The following LNX1 variants were observed in gnomAD, a reference collection of about 807,000 sequenced individuals.
LNX1 encodes E3 ubiquitin-protein ligase LNX.
LNX1 carries 54 observed loss-of-function variants against 68.4 expected under a neutral mutation model. That is an observed-to-expected ratio of 0.79 (90% confidence interval 0.63 to 0.99). The LOEUF is 0.99. LNX1 is among the 50% of genes least tolerant of loss of function. The probability of loss-of-function intolerance (pLI) is 0.00; values close to 1 mark genes in which losing one functional copy is unlikely to be tolerated. For synonymous variants in LNX1, 336 were observed against 350.0 expected (o/e 0.96, Z 0.45); for missense variants, 906 against 926.4 (o/e 0.98, Z 0.29).
intron 4 of LNX1, among the ~76,000 whole-genome samples, chr4:53,502,526 A>T (rs1285875188): frequency 1.3e-5 from 2 of 152,184 alleles, no homozygotes; most frequent in Non-Finnish European, 2.9e-5. Context: ...GCTGGTAGAG[A>T]GTCTTGCCTT....
intron 2 of LNX1, among the ~76,000 whole-genome samples, chr4:53,601,551 C>T (rs978178325): frequency 6.6e-6 from 1 of 152,232 alleles, no homozygotes; most frequent in Non-Finnish European, 1.5e-5. Context: ...CATAAACTCG[C>T]AGCAGCTGTG....
rs1732982815 is a variant in LNX1, at chr4:53,601,009, C to T, written c.-214-9494G>A. ...AGGAGAATCACTTGAACCCGGGAGGCCGAGGTTGCAGTGAGCCAAGATGGC... is the reference window on the plus strand; with the variant it reads ...AGGAGAATCACTTGAACCCGGGAGGTCGAGGTTGCAGTGAGCCAAGATGGC... On this transcript the variant is annotated intron_variant, in intron 2 of 3. Transcript: ENST00000504299. Among the ~76,000 whole-genome samples, 3 of 142,698 alleles carry T rather than the reference C, an allele frequency of 2.1e-5. No individual in the cohort carries two copies. The South Asian group carries it at 6.8e-4, about 32-fold the overall frequency. The allele number at this position is 142,698 out of a possible 152,430, so 93.6% of individuals were successfully genotyped here. A position where few individuals can be genotyped will look rare whatever the true frequency, so the allele number is the denominator to read the frequency against.
At chr4:53,485,812 G>T (rs927520190) in intron 6 of LNX1, among the ~76,000 whole-genome samples, 2 of 152,120 alleles carry the variant, frequency 1.3e-5, no homozygotes, top group African/African-American at 4.8e-5. Flanking sequence ...GGAGTATAGG[G>T]GAGACACAGA....
chr4:53,589,247 A>T lies in LNX1; in HGVS notation c.-87+2141T>A, dbSNP rs565837564. 3.3e-5 allele frequency among the ~76,000 whole-genome samples: 5 copies of T among 152,352 alleles called. No homozygotes were observed. In the South Asian group the frequency reaches 1.0e-3, roughly 32 times the overall value. On this transcript the variant is annotated intron_variant, in intron 1 of 10. Coordinates refer to ENST00000263925, the MANE Select transcript of LNX1 (RefSeq NM_001126328.3). ...TAGAGTGGGAAAAGGAAGAAATCACAGCCAGCCAGCAACTCCTAAAAGCTT... is the reference window on the plus strand; with the variant it reads ...TAGAGTGGGAAAAGGAAGAAATCACTGCCAGCCAGCAACTCCTAAAAGCTT...
Position 53,461,135 on chromosome 4 carries a change from A to T in LNX1, c.2052-93T>A, listed in dbSNP as rs547484144. 1.9e-5 allele frequency: 20 copies of T among 1,068,884 alleles called. No homozygotes were observed. The South Asian group carries it at 3.2e-4, about 17-fold the overall frequency. The allele number at this position is 1,068,884 out of a possible 1,614,324, so 66.2% of individuals were successfully genotyped here. On this transcript the variant is annotated intron_variant, in intron 10 of 10. Coordinates refer to ENST00000263925, the MANE Select transcript of LNX1 (RefSeq NM_001126328.3). ...TCTTAGTGGTGCTAGATTTTGCTAC[A>T]TCTGACCATTTTAATTATGTTAACT...
chr4:53,472,021 T>A (rs1040911415), intron 9 of LNX1, among the ~76,000 whole-genome samples: 25 of 152,176 alleles, frequency 1.6e-4, no homozygotes, highest in Admixed American at 1.4e-3. Context: ...CATGCTACTA[T>A]AAAGACACAT....
chr4:53,612,246 T>G (rs2668543), intron 2 of LNX1, among the ~76,000 whole-genome samples: 2 of 151,910 alleles, frequency 1.3e-5, no homozygotes, highest in Admixed American at 1.3e-4. Context: ...TGCTGGCAGG[T>G]TAGTAGGTAA....
chr4:53,548,753 A>G (rs556042173), intron 2 of LNX1, among the ~76,000 whole-genome samples: 3 of 152,360 alleles, frequency 2.0e-5, no homozygotes, highest in Admixed American at 2.0e-4. Context: ...TATTCACAAT[A>G]GCAAAGATAT....
At chr4:53,507,723 A>G (rs1302847933) in intron 3 of LNX1, among the ~76,000 whole-genome samples, 1 of 152,206 alleles carries the variant, frequency 6.6e-6, no homozygotes, top group African/African-American at 2.4e-5. Context: ...AGCATGGCTG[A>G]AAAATTACTG....
At chr4:53,465,570 G>A (rs193042659) in intron 9 of LNX1, among the ~76,000 whole-genome samples, 58 of 152,296 alleles carry the variant, frequency 3.8e-4, no homozygotes, top group Admixed American at 3.5e-3. Context: ...AACTGCACCA[G>A]CATAACATAC....
chr4:53,610,435 C>T (rs1391912787), intron 2 of LNX1, among the ~76,000 whole-genome samples: 1 of 152,002 alleles, frequency 6.6e-6, no homozygotes, highest in Non-Finnish European at 1.5e-5. Flanking sequence ...TAAAATGCTG[C>T]GGTGGCTCAA....
At chr4:53,614,420 C>T (rs1733610419) in intron 2 of LNX1, among the ~76,000 whole-genome samples, 3 of 152,120 alleles carry the variant, frequency 2.0e-5, no homozygotes, top group South Asian at 2.1e-4. Context: ...GGATCTCTAC[C>T]TCTATCCCTT....
intron 1 of LNX1, among the ~76,000 whole-genome samples, chr4:53,580,373 C>T (rs1053888411): frequency 5.9e-5 from 9 of 152,180 alleles, no homozygotes; most frequent in Non-Finnish European, 1.0e-4. Flanking sequence ...CTGCAAGCTC[C>T]CCAATTTATC....
chr4:53,570,063 G>A (rs888070308), intron 2 of LNX1, among the ~76,000 whole-genome samples: 3 of 151,862 alleles, frequency 2.0e-5, no homozygotes, highest in Non-Finnish European at 2.9e-5. Flanking sequence ...TACACTGTTG[G>A]TGGGACTGTA....
intron 1 of LNX1, among the ~76,000 whole-genome samples, chr4:53,650,102 G>A (rs1223655883): frequency 6.6e-6 from 1 of 152,198 alleles, no homozygotes; most frequent in African/African-American, 2.4e-5. Context: ...TGAATGGAAT[G>A]AGCCTGGCTT....
intron 4 of LNX1, among the ~76,000 whole-genome samples, chr4:53,504,160 T>G (rs180806017): frequency 4.5e-4 from 68 of 152,296 alleles, no homozygotes; most frequent in Non-Finnish European, 6.5e-4. Context: ...AAAATCTGCT[T>G]AGTGGAGCCA....
chr4:53,521,621 C>A lies in LNX1; in HGVS notation c.381-13394G>T, dbSNP rs143640303. On this transcript the variant is annotated intron_variant, in intron 2 of 10. Coordinates refer to ENST00000263925, the MANE Select transcript of LNX1 (RefSeq NM_001126328.3). Reference sequence around the variant, plus strand: ...ATTTGCTAAATGAGCTTCCTCTTCCCTCCCAATATATTTAAAAGAAACAAC... The same window carrying A: ...ATTTGCTAAATGAGCTTCCTCTTCCATCCCAATATATTTAAAAGAAACAAC... Among the ~76,000 whole-genome samples, 3 of 152,290 alleles carry A rather than the reference C, an allele frequency of 2.0e-5. No homozygotes were observed. The East Asian group carries it at 5.8e-4, about 29-fold the overall frequency.
In LNX1 at chr4:53,460,994, C is replaced by T; in HGVS notation, c.2100G>A (p.Met700Ile). Reference sequence around the variant, plus strand: ...GCAGTCTTGCCAAGCAAGCATGTATCATTCCTGATGTACTTCTACCATTGA... The same window carrying T: ...GCAGTCTTGCCAAGCAAGCATGTATTATTCCTGATGTACTTCTACCATTGA... Reference protein sequence around the residue: ...LAVNGRSTSGMIHACLARLLK... With the variant: ...LAVNGRSTSGIIHACLARLLK... The change falls in exon 11 of 11, where the codon ATG (methionine) becomes ATA (isoleucine). Residue 700 changes from methionine (M) to isoleucine (I), a missense_variant. Transcript: ENST00000263925. 6.2e-7 allele frequency: 1 copy of T among 1,606,268 alleles called. No homozygotes were observed. The highest frequency in any genetic ancestry group is 1.1e-5 in the South Asian group (1 of 89,722).
At chr4:53,552,602 G>A (rs1729588722) in intron 2 of LNX1, among the ~76,000 whole-genome samples, 1 of 152,152 alleles carries the variant, frequency 6.6e-6, no homozygotes, top group Non-Finnish European at 1.5e-5. Context: ...GCTGAGGTGG[G>A]TGGATCACCT....
Sources: allele counts gnomAD v4.1 joint callset (sites outside exome capture counted in the v4.1 genomes callset), GRCh38; gene constraint gnomAD v4.1.1; transcripts MANE v1.5; gene names NCBI Gene and HGNC (gene_info 2026-07-23, HGNC 2026-07-21).